AGBL1: variants seen among roughly 807,000 people sequenced by gnomAD.
The protein encoded by AGBL1 is cytosolic carboxypeptidase 4.
In AGBL1, 130 loss-of-function variants were observed where a neutral mutation model predicts 118.9. That is an observed-to-expected ratio of 1.09 (90% confidence interval 0.95 to 1.26). The LOEUF is 1.26. Ranked by LOEUF, AGBL1 falls within the 50% of genes most tolerant of loss-of-function variation. AGBL1 has a pLI of 0.00. For missense variants in AGBL1, 1,584 were observed against 1,298.1 expected, an observed-to-expected ratio of 1.22 and a Z score of -3.38; for synonymous variants, 555 against 478.9, an observed-to-expected ratio of 1.16 and a Z score of -2.08.
In AGBL1 at chr15:86,948,935, A is replaced by G. The variant is rs370258317; in HGVS notation, c.3222-39052A>G. ...AGTATCCTGGAATACAGCCACAGAC[A>G]TTCATTGATGTAACATCTCTAACTG... On this transcript the variant is annotated intron_variant, in intron 23 of 24. Coordinates refer to the AGBL1 transcript ENST00000441037. Among the ~76,000 whole-genome samples, 3 of 152,222 alleles carry G rather than the reference A, an allele frequency of 2.0e-5. No individual in the cohort carries two copies. The East Asian group carries it at 5.8e-4, about 29-fold the overall frequency.
chr15:86,438,717 G>A (rs1228502930), intron 18 of AGBL1, among the ~76,000 whole-genome samples: 6 of 147,948 alleles, frequency 4.1e-5, no homozygotes, highest in East Asian at 2.0e-4. Context: ...GCTGGAGTAC[G>A]GTGGTGCCAT....
At chr15:86,185,762 G>C (rs543991569) in intron 5 of AGBL1, among the ~76,000 whole-genome samples, 7 of 151,836 alleles carry the variant, frequency 4.6e-5, no homozygotes, top group East Asian at 3.9e-4. Flanking sequence ...GTCGTGGGGT[G>C]GGGGGCTGGG....
intron 17 of AGBL1, among the ~76,000 whole-genome samples, chr15:86,332,278 C>G (rs1051785889): frequency 2.0e-5 from 3 of 152,152 alleles, no homozygotes; most frequent in African/African-American, 7.2e-5. Context: ...TATGAAAAGA[C>G]TTAGATGTCT....
chr15:86,106,505 T>C (rs532940197), intron 1 of AGBL1, among the ~76,000 whole-genome samples: 19 of 152,350 alleles, frequency 1.2e-4, no homozygotes, highest in African/African-American at 4.6e-4. Context: ...CCCCAGGGGA[T>C]GTTTGGCAAT....
intron 19 of AGBL1, among the ~76,000 whole-genome samples, chr15:86,537,395 T>G (rs2083441171): frequency 6.6e-6 from 1 of 152,226 alleles, no homozygotes; most frequent in Admixed American, 6.5e-5. Context: ...GCTGATAGGT[T>G]GCAGGGATTG....
intron 22 of AGBL1, among the ~76,000 whole-genome samples, chr15:86,817,591 CACAG>C (rs1433848600): frequency 7.5e-6 from 1 of 133,386 alleles, no homozygotes. Flanking sequence ...CACACACACA[CACAG>C]AGGAGAGAGA....
At chr15:86,785,381 T>TTG (rs1279111616) in intron 22 of AGBL1, among the ~76,000 whole-genome samples, 1 of 146,364 alleles carries the variant, frequency 6.8e-6, no homozygotes, top group African/African-American at 2.5e-5. Context: ...TTTTTTTTGT[T>TTG]TTTGTTTTTT....
chr15:86,157,691 G>A (rs183659052), intron 4 of AGBL1, among the ~76,000 whole-genome samples: 2 of 152,196 alleles, frequency 1.3e-5, no homozygotes, highest in Admixed American at 1.3e-4. Flanking sequence ...TATCTTTTCC[G>A]TCAATTGTTA....
chr15:86,409,847 T>C (rs1456924560), intron 18 of AGBL1, among the ~76,000 whole-genome samples: 5 of 152,182 alleles, frequency 3.3e-5, no homozygotes, highest in African/African-American at 1.2e-4. Context: ...CGCATTCCAA[T>C]GTTTCTCCTT....
At chr15:86,563,717 T>A (rs1475442138) in intron 21 of AGBL1, among the ~76,000 whole-genome samples, 2 of 152,130 alleles carry the variant, frequency 1.3e-5, no homozygotes, top group Admixed American at 6.5e-5. Flanking sequence ...GTCTGTCTAA[T>A]GTTGACAGTG....
chr15:87,022,169 C>T (rs890111277), intron 24 of AGBL1, among the ~76,000 whole-genome samples: 1 of 152,078 alleles, frequency 6.6e-6, no homozygotes, highest in Admixed American at 6.6e-5. Flanking sequence ...TGAACAACAG[C>T]CTTCAGCCCT....
chr15:86,252,894 G>A (rs774145076), intron 7 of AGBL1, among the ~76,000 whole-genome samples: 10 of 152,126 alleles, frequency 6.6e-5, no homozygotes, highest in Admixed American at 3.3e-4. Flanking sequence ...TCTGCCCTTG[G>A]GCTTAGAATT....
intron 1 of AGBL1, among the ~76,000 whole-genome samples, chr15:86,120,222 C>T (rs1898013272): frequency 6.6e-6 from 1 of 152,152 alleles, no homozygotes; most frequent in Admixed American, 6.5e-5. Flanking sequence ...TGTTCTTTTG[C>T]CTTTTTTACT....
At position 86,143,755 on chromosome 15, in the gene AGBL1, C is replaced by T. The variant is rs1273015624; in HGVS notation, c.172C>T (p.Gln58Ter). 2 of 1,613,796 alleles carry T rather than the reference C, an allele frequency of 1.2e-6. No individual in the cohort carries two copies. The highest frequency in any genetic ancestry group is 1.7e-6 in the Non-Finnish European group (2 of 1,179,824). Residue 58 changes from glutamine to a stop codon, truncating the protein, a stop_gained, in exon 3 of 23, where the codon CAG (glutamine) becomes TAG (stop). Transcript: ENST00000614907. LOFTEE classifies it high-confidence loss of function. ...ISKGGSEALL[Q>*]TLVDTARTAP... Reference sequence around the variant, plus strand: ...CAAGGGTGGCAGTGAAGCTCTTCTGCAGACCCTGGTAGACACAGCGAGGAC... The same window carrying T: ...CAAGGGTGGCAGTGAAGCTCTTCTGTAGACCCTGGTAGACACAGCGAGGAC...
At chr15:86,384,195 G>C (rs1215562218) in intron 17 of AGBL1, among the ~76,000 whole-genome samples, 2 of 152,140 alleles carry the variant, frequency 1.3e-5, no homozygotes, top group Non-Finnish European at 2.9e-5. Flanking sequence ...AAGTGATCTG[G>C]CCTTGAGGTG....
At chr15:86,854,653 G>A (rs927464854) in intron 22 of AGBL1, among the ~76,000 whole-genome samples, 2 of 152,152 alleles carry the variant, frequency 1.3e-5, no homozygotes, top group African/African-American at 4.8e-5. Flanking sequence ...TTCTAAGGGT[G>A]TATCTTCTTC....
chr15:86,681,444 A>C, intron 22 of AGBL1, among the ~76,000 whole-genome samples: 1 of 152,010 alleles, frequency 6.6e-6, no homozygotes, highest in East Asian at 1.9e-4. Context: ...AGATACCTTT[A>C]TACAGCCTCC....
At position 86,256,985 on chromosome 15, in the gene AGBL1, A is replaced by T; in HGVS notation, c.868A>T (p.Ile290Phe). 6.2e-7 allele frequency: 1 copy of T among 1,613,954 alleles called. No homozygotes were observed. The highest frequency in any genetic ancestry group is 8.5e-7 in the Non-Finnish European group (1 of 1,179,862). Residue 290 changes from isoleucine (I) to phenylalanine (F), a missense_variant, in exon 8 of 23, where the codon ATC becomes TTC. By Grantham distance (21) the Ile-to-Phe change is conservative (BLOSUM62 0). Transcript: ENST00000614907. Reference sequence around the variant, plus strand: ...CTATGCCTTCCCGGTCCCCGGGTGCATCACCACTGAACCTCCACATGATCT... The same window carrying T: ...CTATGCCTTCCCGGTCCCCGGGTGCTTCACCACTGAACCTCCACATGATCT... ...SAYAFPVPGC[I>F]TTEPPHDLPE...
At chr15:86,799,456 AG>A (rs2078619975) in intron 22 of AGBL1, among the ~76,000 whole-genome samples, 1 of 152,154 alleles carries the variant, frequency 6.6e-6, no homozygotes, top group South Asian at 2.1e-4. Flanking sequence ...AAGTGCCAAG[AG>A]GTAACATTCT....
Sources: allele counts gnomAD v4.1 joint callset (sites outside exome capture counted in the v4.1 genomes callset), GRCh38; gene constraint gnomAD v4.1.1; transcripts MANE v1.5; gene names NCBI Gene and HGNC (gene_info 2026-07-23, HGNC 2026-07-21).